Variants in CEP152 observed in about 807,000 individuals in gnomAD.
CEP152 encodes the protein centrosomal protein of 152 kDa.
A neutral mutation model predicts 188.9 loss-of-function variants in CEP152; 132 were observed. The observed-to-expected ratio is 0.70, with a 90% CI of 0.61 to 0.81. The LOEUF (loss-of-function observed/expected upper bound fraction) is 0.81. Ranked by LOEUF, CEP152 falls within the 30% of genes least tolerant of loss-of-function variation. The pLI is 0.00. For synonymous variants in CEP152, 649 were observed against 666.6 expected (o/e 0.97, Z 0.41); for missense variants, 1,914 against 1,969.8 (o/e 0.97, Z 0.54).
chr15:48,797,470 C>T lies in CEP152; in HGVS notation c.371G>A (p.Gly124Asp), dbSNP rs376736548. The change falls in exon 5 of 27, where the codon GGT becomes GAT. Residue 124 changes from glycine (G) to aspartate (D), a missense_variant. Transcript: ENST00000380950. ...DRHPVYHPEEGGDEGGSGYSP... is the reference protein window; with the variant it reads ...DRHPVYHPEEDGDEGGSGYSP... ...ATAACCACTTCCACCTTCATCTCCA[C>T]CTTCTTCAGGATGGTACACAGGATG... 6.2e-7 allele frequency: 1 copy of T among 1,614,190 alleles called. No individual in the cohort carries two copies. The highest frequency in any genetic ancestry group is 8.5e-7 in the Non-Finnish European group (1 of 1,180,014).
At chr15:48,793,678 A>G (rs1298396917) in intron 6 of CEP152, among the ~76,000 whole-genome samples, 2 of 152,208 alleles carry the variant, frequency 1.3e-5, no homozygotes, top group Non-Finnish European at 2.9e-5. Context: ...TTTCATTTAT[A>G]TATACCTGTT....
At chr15:48,751,500 A>T (rs1382805370) in intron 21 of CEP152, among the ~76,000 whole-genome samples, 3 of 152,212 alleles carry the variant, frequency 2.0e-5, no homozygotes, top group Non-Finnish European at 2.9e-5. Flanking sequence ...ATAGGCAGAG[A>T]TTCTCTAAGA....
intron 21 of CEP152, 42 bp from the exon 22 acceptor site, chr15:48,748,652 A>G (rs1179745951): frequency 1.5e-6 from 2 of 1,317,498 alleles, no homozygotes; most frequent in African/African-American, 3.6e-5. Context: ...ATCAGTTTAG[A>G]CCAAGAACTA....
chr15:48,750,932 C>T (rs1481215703), intron 21 of CEP152, among the ~76,000 whole-genome samples: 3 of 152,058 alleles, frequency 2.0e-5, no homozygotes, highest in Non-Finnish European at 4.4e-5. Flanking sequence ...ATGTTCTGTA[C>T]CTTAAGCTGA....
chr15:48,744,212 T>A, intron 24 of CEP152, 28 bp downstream of exon 24: 1 of 1,612,616 alleles, frequency 6.2e-7, no homozygotes, highest in Non-Finnish European at 8.5e-7. Flanking sequence ...GCCCAAGCCA[T>A]CCTTAAAATC....
intron 2 of CEP152, among the ~76,000 whole-genome samples, chr15:48,802,879 G>T (rs1362841226): frequency 1.3e-5 from 2 of 152,312 alleles, no homozygotes; most frequent in African/African-American, 4.8e-5. Context: ...ATTGGGATAT[G>T]GGCCCATGTG....
At chr15:48,743,231 C>T (rs189524230) in intron 24 of CEP152, among the ~76,000 whole-genome samples, 91 of 152,060 alleles carry the variant, frequency 6.0e-4, no homozygotes, top group Middle Eastern at 6.8e-3. Flanking sequence ...CTTTGTAGAA[C>T]ATCTACACGT....
intron 22 of CEP152, among the ~76,000 whole-genome samples, chr15:48,745,716 G>A (rs1398077289): frequency 6.6e-6 from 1 of 152,068 alleles, no homozygotes; most frequent in East Asian, 1.9e-4. Context: ...AAAAGAGGAT[G>A]AGGAAACTGA....
intron 10 of CEP152, among the ~76,000 whole-genome samples, chr15:48,782,615 G>A (rs747635028): frequency 3.9e-5 from 6 of 152,074 alleles, no homozygotes; most frequent in Non-Finnish European, 7.4e-5. Flanking sequence ...AAACTATACC[G>A]TGCTGCCTTT....
chr15:48,752,525 T>A (rs1893953643), intron 20 of CEP152, 56 bp from the exon 21 acceptor site: 7 of 1,579,928 alleles, frequency 4.4e-6, no homozygotes, highest in Non-Finnish European at 6.0e-6. Context: ...TACAATTTTA[T>A]ATTTAAAATG....
rs1893001232 is a variant in CEP152, at chr15:48,741,918, T to A, written c.3989+29A>T. ...ATGATAACATGTTGTCCTGGTAATC[T>A]CAGGACACATTGTTCAGACTGAACT... On this transcript the variant is annotated intron_variant, in intron 25 of 26. Transcript: ENST00000380950. 3.7e-6 allele frequency: 6 copies of A among 1,613,916 alleles called. No individual in the cohort carries two copies. The East Asian group carries it at 1.3e-4, about 36-fold the overall frequency.
Position 48,748,539 on chromosome 15 carries a change from G to C in CEP152, c.3538C>G (p.Gln1180Glu), listed in dbSNP as rs751912220. The change falls in exon 22 of 27, where the codon CAG becomes GAG. Residue 1180 changes from glutamine (Q) to glutamate (E), a missense_variant. Physicochemically the swap from Gln to Glu is conservative, Grantham distance 29. Coordinates refer to ENST00000380950, the MANE Select transcript of CEP152 (RefSeq NM_001194998.2). ...TTTCCTTTCAGATCTTGACATTCCTGCTTTGCCTTTTCAAGTTCTTGGAAG... is the reference window on the plus strand; with the variant it reads ...TTTCCTTTCAGATCTTGACATTCCTCCTTTGCCTTTTCAAGTTCTTGGAAG... ...HCFQELEKAK[Q>E]ECQDLKGKLE... 2.0e-5 allele frequency: 31 copies of C among 1,533,962 alleles called. No individual in the cohort carries two copies. Among genetic ancestry groups the C allele is most frequent in the Non-Finnish European group, 2.7e-5 (31 of 1,145,944 alleles).
intron 9 of CEP152, among the ~76,000 whole-genome samples, chr15:48,784,985 A>T (rs945771530): frequency 1.1e-4 from 17 of 152,346 alleles, no homozygotes; most frequent in Non-Finnish European, 2.2e-4. Context: ...GCTGAATTCC[A>T]GGCAAATGGC....
chr15:48,809,087 T>C (rs1898176754), intron 1 of CEP152, among the ~76,000 whole-genome samples: 1 of 152,160 alleles, frequency 6.6e-6, no homozygotes, highest in African/African-American at 2.4e-5. Context: ...ACAAAAGCAA[T>C]GGGTATTTGG....
At chr15:48,774,147 A>G (rs764470104) in intron 12 of CEP152, among the ~76,000 whole-genome samples, 1 of 152,138 alleles carries the variant, frequency 6.6e-6, no homozygotes, top group Non-Finnish European at 1.5e-5. Flanking sequence ...TTAAAACTGC[A>G]GAAGAAAAGA....
intron 22 of CEP152, among the ~76,000 whole-genome samples, chr15:48,746,454 C>A (rs1225989663): frequency 6.6e-6 from 1 of 152,124 alleles, no homozygotes; most frequent in African/African-American, 2.4e-5. Context: ...TACAGTTGGA[C>A]AAATAACTCA....
rs138151279 is a variant in CEP152, at chr15:48,752,386, A to C, written c.3429T>G (p.Ala1143=). 240 of 1,614,056 alleles carry C rather than the reference A, an allele frequency of 1.5e-4. No individual in the cohort carries two copies. The East Asian group carries it at 4.3e-3, about 29-fold the overall frequency. Residue 1143 remains alanine (A), a synonymous_variant, in exon 21 of 27, where the codon GCT becomes GCG. Transcript: ENST00000380950. Reference sequence around the variant, plus strand: ...CTGTTGCTTGTAAGGCCAAGGGCTGAGCATGGTGTCCAGCAGCAGGTCCAG... The same window carrying C: ...CTGTTGCTTGTAAGGCCAAGGGCTGCGCATGGTGTCCAGCAGCAGGTCCAG... ...GDPGPAAGHH[A]QPLALQATEA... is the part of the protein sequence containing the mutation.
chr15:48,776,997 AT>A (rs902601810), intron 12 of CEP152, among the ~76,000 whole-genome samples: 23 of 152,092 alleles, frequency 1.5e-4, no homozygotes, highest in Non-Finnish European at 2.5e-4. Flanking sequence ...GAAAAACGTA[AT>A]CATAAGAAAA....
chr15:48,788,483 A>C (rs1219168811), intron 9 of CEP152, among the ~76,000 whole-genome samples: 1 of 150,914 alleles, frequency 6.6e-6, no homozygotes, highest in South Asian at 2.1e-4. Flanking sequence ...ACAGGCACGC[A>C]CCACTGCGCC....
Sources: gnomAD v4.1 joint callset for allele counts (sites outside exome capture counted in the v4.1 genomes callset) on GRCh38, gnomAD v4.1.1 for gene constraint, MANE v1.5 for transcripts, NCBI Gene and HGNC (gene_info 2026-07-23, HGNC 2026-07-21) for gene names.